NKAIN3: variants seen among roughly 807,000 people sequenced by gnomAD.
NKAIN3 encodes the protein sodium/potassium-transporting ATPase subunit beta-1-interacting protein 3.
NKAIN3 carries 25 observed loss-of-function variants against 30.2 expected under a neutral mutation model. The observed-to-expected ratio is 0.83, with a 90% CI of 0.60 to 1.16. The LOEUF is 1.16. Among genes scored for constraint, NKAIN3 ranks in the 50% most tolerant of loss-of-function variants. The probability of loss-of-function intolerance (pLI) is 0.00; values close to 1 mark genes in which losing one functional copy is unlikely to be tolerated. For synonymous variants in NKAIN3, 91 were observed against 89.6 expected, an observed-to-expected ratio of 1.02 and a Z score of -0.09; for missense variants, 225 against 254.1, an observed-to-expected ratio of 0.89 and a Z score of 0.78.
intron 1 of NKAIN3, among the ~76,000 whole-genome samples, chr8:62,276,663 T>A (rs1812974745): frequency 6.6e-6 from 1 of 152,210 alleles, no homozygotes; most frequent in Non-Finnish European, 1.5e-5. Context: ...AATTTATCTA[T>A]CTTTTTCAAG....
chr8:62,656,411 G>A (rs1243703878), intron 3 of NKAIN3, among the ~76,000 whole-genome samples: 4 of 151,660 alleles, frequency 2.6e-5, no homozygotes, highest in Non-Finnish European at 2.9e-5. Flanking sequence ...CCTGCACGTT[G>A]TGCACATGTA....
chr8:62,854,228 A>G (rs1370014239), intron 4 of NKAIN3, among the ~76,000 whole-genome samples: 1 of 152,172 alleles, frequency 6.6e-6, no homozygotes, highest in Non-Finnish European at 1.5e-5. Context: ...CTTGATCCAG[A>G]GCTGAGTTCA....
At chr8:62,572,433 T>C (rs1809973852) in intron 1 of NKAIN3, among the ~76,000 whole-genome samples, 1 of 152,168 alleles carries the variant, frequency 6.6e-6, no homozygotes, top group Non-Finnish European at 1.5e-5. Flanking sequence ...TTTTGAGCCC[T>C]CCAAACTGTT....
At chr8:62,945,475 C>T (rs1823096233) in intron 5 of NKAIN3, among the ~76,000 whole-genome samples, 2 of 152,140 alleles carry the variant, frequency 1.3e-5, no homozygotes, top group Admixed American at 1.3e-4. Context: ...GACCCGCAGG[C>T]TTGTTCTGCC....
At chr8:62,761,273 G>A (rs942534510) in intron 4 of NKAIN3, among the ~76,000 whole-genome samples, 10 of 151,992 alleles carry the variant, frequency 6.6e-5, no homozygotes, top group African/African-American at 2.2e-4. Flanking sequence ...TGTGTTGTGT[G>A]CTCTGTAATT....
chr8:62,396,307 G>A (rs1817762511), intron 1 of NKAIN3, among the ~76,000 whole-genome samples: 2 of 152,124 alleles, frequency 1.3e-5, no homozygotes, highest in South Asian at 4.1e-4. Context: ...GTTTAGAGAA[G>A]TCCCCTCAAA....
chr8:62,495,586 T>G (rs1217693392), intron 1 of NKAIN3, among the ~76,000 whole-genome samples: 1 of 149,906 alleles, frequency 6.7e-6, no homozygotes, highest in Non-Finnish European at 1.5e-5. Context: ...AATATAAAAT[T>G]TATGTTCTTA....
At chr8:62,490,271 G>A (rs1419021397) in intron 1 of NKAIN3, among the ~76,000 whole-genome samples, 1 of 152,156 alleles carries the variant, frequency 6.6e-6, no homozygotes, top group African/African-American at 2.4e-5. Context: ...TTCCCTGAAA[G>A]AAGAAATTCC....
intron 5 of NKAIN3, among the ~76,000 whole-genome samples, chr8:62,934,001 G>A (rs545284791): frequency 4.6e-5 from 7 of 152,168 alleles, no homozygotes; most frequent in African/African-American, 1.7e-4. Flanking sequence ...AATGATTGAG[G>A]GCATATCTAC....
chr8:62,765,186 G>T (rs550598790), intron 4 of NKAIN3, among the ~76,000 whole-genome samples: 12 of 144,814 alleles, frequency 8.3e-5, no homozygotes, highest in Admixed American at 2.2e-4. Context: ...GGCGGAGGTT[G>T]CAGTGAGCTG....
chr8:62,918,000 C>T (rs1333229812), intron 4 of NKAIN3, among the ~76,000 whole-genome samples: 1 of 152,152 alleles, frequency 6.6e-6, no homozygotes, highest in Admixed American at 6.5e-5. Flanking sequence ...ATTCCCAGAG[C>T]ATTTTAAATA....
intron 4 of NKAIN3, among the ~76,000 whole-genome samples, chr8:62,787,962 C>T (rs183748785): frequency 2.0e-5 from 3 of 152,230 alleles, no homozygotes; most frequent in Admixed American, 2.0e-4. Context: ...CAAGTCTTTG[C>T]TATTGTGAAT....
intron 1 of NKAIN3, among the ~76,000 whole-genome samples, chr8:62,273,568 C>T (rs1812838819): frequency 6.6e-6 from 1 of 152,172 alleles, no homozygotes; most frequent in Non-Finnish European, 1.5e-5. Flanking sequence ...ATAGGAAGTA[C>T]TGGCCCTTGT....
At chr8:62,721,743 A>G (rs1815098935) in intron 3 of NKAIN3, among the ~76,000 whole-genome samples, 1 of 152,216 alleles carries the variant, frequency 6.6e-6, no homozygotes, top group African/African-American at 2.4e-5. Context: ...TGGGAAGATT[A>G]TTACATTCAT....
chr8:62,287,681 T>C (rs1240767619), intron 1 of NKAIN3, among the ~76,000 whole-genome samples: 1 of 152,172 alleles, frequency 6.6e-6, no homozygotes, highest in Non-Finnish European at 1.5e-5. Context: ...AGTTTTTTTA[T>C]GTTCATTTAT....
intron 1 of NKAIN3, among the ~76,000 whole-genome samples, chr8:62,540,916 A>G (rs1261070373): frequency 6.6e-6 from 1 of 152,170 alleles, no homozygotes. Flanking sequence ...TATCATTCAA[A>G]TGGGAGTTTG....
chr8:62,998,527 G>A (rs544598186), intron 5 of NKAIN3, among the ~76,000 whole-genome samples: 9 of 152,120 alleles, frequency 5.9e-5, no homozygotes, highest in Non-Finnish European at 8.8e-5. Flanking sequence ...CACCTGCCTC[G>A]GCCTCCCAAA....
rs546298703 is a variant in NKAIN3, at chr8:62,780,367, G to A, written c.471+33238G>A. Among the ~76,000 whole-genome samples the A allele has an allele frequency of 2.6e-5, 4 of 152,126 alleles. No individual in the cohort carries two copies. The South Asian group carries it at 8.3e-4, about 32-fold the overall frequency. ...CAATGAATTACACCAAATGTATAAA[G>A]AACTAATACCAATTCCCTCAAACTA... On this transcript the variant is annotated intron_variant, in intron 4 of 6. Coordinates refer to ENST00000623646, the MANE Select transcript of NKAIN3 (RefSeq NM_001304533.3).
chr8:62,355,720 G>A (rs549859127), intron 1 of NKAIN3, among the ~76,000 whole-genome samples: 26 of 151,954 alleles, frequency 1.7e-4, no homozygotes, highest in Non-Finnish European at 2.4e-4. Flanking sequence ...TCTTTCTCCC[G>A]TCTCCTGAAA....
Sources: allele counts gnomAD v4.1 joint callset (sites outside exome capture counted in the v4.1 genomes callset), GRCh38; gene constraint gnomAD v4.1.1; transcripts MANE v1.5; gene names NCBI Gene and HGNC (gene_info 2026-07-23, HGNC 2026-07-21).